Variants in CHODL observed in about 807,000 individuals in gnomAD.
CHODL encodes the protein chondrolectin, also known as transmembrane protein MT75.
A neutral mutation model predicts 34.5 loss-of-function variants in CHODL; 29 were observed. The observed-to-expected ratio is 0.84, with a 90% confidence interval of 0.63 to 1.15. The LOEUF is 1.15. Among genes scored for constraint, CHODL ranks in the 50% most tolerant of loss-of-function variants. CHODL has a pLI of 0.00. For missense variants in CHODL, 332 were observed against 332.5 expected (o/e 1.00, Z 0.01); for synonymous variants, 125 against 116.1 (o/e 1.08, Z -0.49).
intron 2 of CHODL, among the ~76,000 whole-genome samples, chr21:18,200,359 T>A (rs2073638247): frequency 6.6e-6 from 1 of 152,168 alleles, no homozygotes; most frequent in South Asian, 2.1e-4. Context: ...AAGTAAGTTG[T>A]TTACCTCAAG....
chr21:18,089,451 G>A (rs158037), intron 2 of CHODL, among the ~76,000 whole-genome samples: 54,542 of 151,820 alleles, frequency 0.36, 12,182 homozygotes, highest in Non-Finnish European at 0.51. Context: ...CATTTATATT[G>A]CTCTAAATCA....
At chr21:17,996,814 A>G (rs1292546337) in intron 1 of CHODL, among the ~76,000 whole-genome samples, 1 of 152,228 alleles carries the variant, frequency 6.6e-6, no homozygotes, top group South Asian at 2.1e-4. Flanking sequence ...TGCAGAATTT[A>G]TGGAAGAAAT....
chr21:18,226,132 T>C (rs11911922), intron 2 of CHODL, among the ~76,000 whole-genome samples: 2,769 of 152,202 alleles, frequency 0.018, 83 homozygotes, highest in African/African-American at 0.064. Context: ...CTTGTTACAA[T>C]AGCTGTGATG....
chr21:18,230,763 A>G (rs1426202851), intron 2 of CHODL, among the ~76,000 whole-genome samples: 4 of 152,140 alleles, frequency 2.6e-5, no homozygotes, highest in African/African-American at 9.7e-5. Flanking sequence ...ATCAAAAGGT[A>G]AAATGTATGA....
At chr21:18,218,014 C>G (rs2073847297) in intron 2 of CHODL, among the ~76,000 whole-genome samples, 1 of 152,156 alleles carries the variant, frequency 6.6e-6, no homozygotes, top group Admixed American at 6.6e-5. Context: ...GTGTACAGTC[C>G]CACTCTGGGC....
intron 4 of CHODL, among the ~76,000 whole-genome samples, chr21:18,261,885 G>A (rs148158428): frequency 1.3e-5 from 2 of 152,040 alleles, no homozygotes; most frequent in South Asian, 2.1e-4. Flanking sequence ...CTGGAGTCTC[G>A]TGTCTCTGAG....
chr21:17,936,692 T>C (rs1045916359), intron 1 of CHODL, among the ~76,000 whole-genome samples: 1 of 152,166 alleles, frequency 6.6e-6, no homozygotes, highest in Non-Finnish European at 1.5e-5. Flanking sequence ...ATATGAGTTC[T>C]AAGGTCCACA....
chr21:18,183,336 G>A (rs1310914750), intron 2 of CHODL, among the ~76,000 whole-genome samples: 1 of 152,176 alleles, frequency 6.6e-6, no homozygotes, highest in Non-Finnish European at 1.5e-5. Flanking sequence ...AGGTTTAAGG[G>A]ATTCTAGCTG....
At chr21:18,035,460 G>T (rs2064298294) in intron 2 of CHODL, among the ~76,000 whole-genome samples, 1 of 151,940 alleles carries the variant, frequency 6.6e-6, no homozygotes, top group Non-Finnish European at 1.5e-5. Context: ...TGTGCTTGAA[G>T]TTTGTTGAAC....
chr21:18,009,926 G>T (rs1011372501), intron 1 of CHODL, among the ~76,000 whole-genome samples: 1 of 149,160 alleles, frequency 6.7e-6, no homozygotes, highest in South Asian at 2.1e-4. Flanking sequence ...AATCAGGAAG[G>T]CTGGAGATAT....
At chr21:17,928,183 T>G (rs1006256530) in intron 1 of CHODL, among the ~76,000 whole-genome samples, 1 of 152,246 alleles carries the variant, frequency 6.6e-6, no homozygotes, top group Non-Finnish European at 1.5e-5. Context: ...TGCAAATCCC[T>G]ATGCTAGTTT....
At position 18,265,288 on chromosome 21, in the gene CHODL, T is replaced by C. The variant is rs536660378; in HGVS notation, c.738-666T>C. ...ATATATATATGTGTGTGTATATATA[T>C]ACACACACACACACACACACACATA... is the stretch of plus-strand genomic sequence containing the variant. On this transcript the variant is annotated intron_variant, in intron 5 of 5. Transcript: ENST00000299295. Among the ~76,000 whole-genome samples, 408 of 139,942 alleles carry C rather than the reference T, an allele frequency of 2.9e-3. 1 individual carries two copies. Among genetic ancestry groups the C allele is most frequent in the East Asian group, 0.014 (70 of 4,972 alleles). 91.8% of individuals were successfully genotyped at this position (139,942 alleles called of 152,430 possible). A position where few individuals can be genotyped will look rare whatever the true frequency, so the allele number is the denominator to read the frequency against.
At chr21:18,048,971 A>G (rs1326176141) in intron 2 of CHODL, among the ~76,000 whole-genome samples, 1 of 151,950 alleles carries the variant, frequency 6.6e-6, no homozygotes, top group African/African-American at 2.4e-5. Flanking sequence ...TTCAGATGAC[A>G]CTAAAGAACA....
chr21:18,181,503 C>T (rs367918305), intron 2 of CHODL, among the ~76,000 whole-genome samples: 74 of 152,228 alleles, frequency 4.9e-4, no homozygotes, highest in Admixed American at 2.1e-3. Context: ...CCTGGGTTCC[C>T]GCCATTCTCC....
chr21:17,972,562 A>G (rs2063624106), intron 1 of CHODL, among the ~76,000 whole-genome samples: 1 of 152,204 alleles, frequency 6.6e-6, no homozygotes, highest in African/African-American at 2.4e-5. Flanking sequence ...AGAGGATAAA[A>G]CACCTAGGAA....
At chr21:18,049,788 C>T (rs1026409678) in intron 2 of CHODL, among the ~76,000 whole-genome samples, 1 of 152,004 alleles carries the variant, frequency 6.6e-6, no homozygotes, top group Admixed American at 6.6e-5. Flanking sequence ...ATAATCATCT[C>T]ATTAAAGACC....
chr21:18,102,805 G>A (rs1263833435), intron 2 of CHODL, among the ~76,000 whole-genome samples: 1 of 152,158 alleles, frequency 6.6e-6, no homozygotes, highest in African/African-American at 2.4e-5. Context: ...TAGCAAGATA[G>A]CACTCTTTAG....
chr21:18,020,477 T>A (rs1262940958), intron 1 of CHODL, among the ~76,000 whole-genome samples: 2 of 152,342 alleles, frequency 1.3e-5, no homozygotes, highest in East Asian at 3.9e-4. Flanking sequence ...ATCCATCATT[T>A]ACACCAAGTA....
At position 18,266,582 on chromosome 21, in the gene CHODL, A is replaced by G. The variant is rs1467917820; in HGVS notation, c.*544A>G. The G allele has an allele frequency of 6.5e-6, 1 of 153,126 alleles. No individual in the cohort carries two copies. Among genetic ancestry groups the G allele is most frequent in the Non-Finnish European group, 1.5e-5 (1 of 68,626 alleles). The allele number at this position is 153,126 out of a possible 1,614,324, so 9.5% of individuals were successfully genotyped here. A position where few individuals can be genotyped will look rare whatever the true frequency, so the allele number is the denominator to read the frequency against. ...CACACACACACAAATATAGTACCATAGAAAAAGTTTGTTTTCTCGAAATAA... is the reference window on the plus strand; with the variant it reads ...CACACACACACAAATATAGTACCATGGAAAAAGTTTGTTTTCTCGAAATAA... On this transcript the variant is annotated 3_prime_UTR_variant, in exon 6 of 6. Transcript: ENST00000299295.
Sources: allele counts gnomAD v4.1 joint callset (sites outside exome capture counted in the v4.1 genomes callset), GRCh38; gene constraint gnomAD v4.1.1; transcripts MANE v1.5; gene names NCBI Gene and HGNC (gene_info 2026-07-23, HGNC 2026-07-21).